The following BBOF1 variants were observed in gnomAD, a reference collection of about 807,000 sequenced individuals.
BBOF1 encodes the protein basal body orientation factor 1, also known as basal body-orientation factor 1.
Under a neutral mutation model 68.0 loss-of-function variants are expected in BBOF1, and 62 were observed. The observed-to-expected ratio is 0.91, with a 90% CI of 0.74 to 1.13. The LOEUF (loss-of-function observed/expected upper bound fraction) is 1.13. Ranked by LOEUF, BBOF1 falls within the 50% of genes most tolerant of loss-of-function variation. The pLI, the probability that BBOF1 is intolerant of heterozygous loss-of-function variation, is 0.00. For synonymous variants in BBOF1, 208 were observed against 198.8 expected (o/e 1.05, Z -0.39); for missense variants, 534 against 600.1 (o/e 0.89, Z 1.15).
At chr14:74,039,799 T>C (rs2059792739) in intron 4 of BBOF1, among the ~76,000 whole-genome samples, 1 of 152,134 alleles carries the variant, frequency 6.6e-6, no homozygotes, top group Non-Finnish European at 1.5e-5. Flanking sequence ...ACATGAACTT[T>C]TAAAGGTTTG....
chr14:74,046,524 C>G (rs1183855635), intron 6 of BBOF1, among the ~76,000 whole-genome samples: 2 of 152,072 alleles, frequency 1.3e-5, no homozygotes, highest in Non-Finnish European at 2.9e-5. Flanking sequence ...AGGCACCCAC[C>G]ACCACACCTG....
At chr14:74,021,931 C>G (rs981789467) in intron 1 of BBOF1, among the ~76,000 whole-genome samples, 2 of 151,220 alleles carry the variant, frequency 1.3e-5, no homozygotes, top group Admixed American at 6.6e-5. Context: ...AAAAAACACA[C>G]TCAAAAGTGG....
downstream of BBOF1, chr14:74,067,439 T>C (rs1566830411): frequency 4.3e-6 from 7 of 1,614,108 alleles, no homozygotes; most frequent in Middle Eastern, 5.0e-4. Context: ...CTTCTTGGCT[T>C]CTCCCACAAG....
Position 74,019,382 on chromosome 14 carries a change from C to A in BBOF1, c.-97C>A. ...CGCGCCGTCAGCGGCGCGGGTGGGG[C>A]ATTGCCAGCTCGGCGTCCCGGTTCC... is the stretch of plus-strand genomic sequence containing the variant. On this transcript the variant is annotated 5_prime_UTR_variant, in exon 1 of 12. Coordinates refer to ENST00000394009, the MANE Select transcript of BBOF1 (RefSeq NM_025057.3). 6.8e-7 allele frequency: 1 copy of A among 1,473,428 alleles called. No homozygotes were observed. Among genetic ancestry groups the A allele is most frequent in the Non-Finnish European group, 9.0e-7 (1 of 1,105,520 alleles). 91.3% of individuals were successfully genotyped at this position (1,473,428 alleles called of 1,614,324 possible).
chr14:74,082,393 G>GTTTT (rs869211328), intron 12 of BBOF1, among the ~76,000 whole-genome samples: 16 of 77,604 alleles, frequency 2.1e-4, no homozygotes, highest in Non-Finnish European at 2.4e-4. Flanking sequence ...CAAAATCGAG[G>GTTTT]TTTTTTTTTT....
downstream of BBOF1, among the ~76,000 whole-genome samples, chr14:74,068,478 C>T (rs921112888): frequency 1.3e-5 from 2 of 151,204 alleles, no homozygotes. Flanking sequence ...GTAAGGCTTA[C>T]GCCTGTAATC....
At chr14:74,026,307 T>TG (rs1472258419) in intron 2 of BBOF1, among the ~76,000 whole-genome samples, 5 of 151,380 alleles carry the variant, frequency 3.3e-5, no homozygotes, top group African/African-American at 9.7e-5. Context: ...CCAGGTGTGG[T>TG]GGTGGGCACC....
chr14:74,037,955 CAAA>C (rs76801094), intron 4 of BBOF1, among the ~76,000 whole-genome samples: 1 of 115,820 alleles, frequency 8.6e-6, no homozygotes, highest in African/African-American at 3.2e-5. Flanking sequence ...AACTCTGTTT[CAAA>C]AAAAAAAAAA....
downstream of BBOF1, among the ~76,000 whole-genome samples, chr14:74,068,365 TA>T (rs2060501691): frequency 6.9e-6 from 1 of 144,454 alleles, no homozygotes; most frequent in African/African-American, 2.6e-5. Context: ...GGTGACAGAG[TA>T]AGACTCTGTC....
downstream of BBOF1, chr14:74,066,600 A>G (rs1595117769): frequency 6.1e-6 from 7 of 1,151,122 alleles, no homozygotes; most frequent in Admixed American, 1.3e-4. Flanking sequence ...GGCAAGAGAT[A>G]AGGTCTTAGT....
chr14:74,023,073 T>A lies in BBOF1; in HGVS notation c.214T>A (p.Cys72Ser). ...KSNEDLKKKQ[C>S]KMEKDIMSVL... ...TAATGAGGACTTAAAGAAAAAGCAA[T>A]GTAAAATGGAGAAAGACATAATGTC... Residue 72 changes from cysteine (C) to serine (S), a missense_variant, in exon 2 of 12, where the codon TGT becomes AGT. Transcript: ENST00000394009. 1.9e-6 allele frequency: 3 copies of A among 1,605,728 alleles called. No homozygotes were observed. The highest frequency in any genetic ancestry group is 2.6e-6 in the Non-Finnish European group (3 of 1,176,004).
At chr14:74,028,303 A>G (rs1042564551) in intron 2 of BBOF1, among the ~76,000 whole-genome samples, 3 of 152,136 alleles carry the variant, frequency 2.0e-5, no homozygotes, top group Non-Finnish European at 4.4e-5. Flanking sequence ...CAGGAGGCAT[A>G]GGTTGCTGTG....
chr14:74,069,611 A>G (rs576013060), downstream of BBOF1, among the ~76,000 whole-genome samples: 27 of 151,496 alleles, frequency 1.8e-4, no homozygotes, highest in Admixed American at 2.0e-4. Context: ...AAATTAGCCA[A>G]ATGTGGTGGT....
intron 8 of BBOF1, among the ~76,000 whole-genome samples, chr14:74,052,644 C>CA (rs112439607): frequency 0.046 from 6,166 of 132,880 alleles, 448 homozygotes; most frequent in African/African-American, 0.15. Flanking sequence ...GACTCCATCT[C>CA]AAAAAAAAAA....
At chr14:74,028,037 A>G (rs1336058023) in intron 2 of BBOF1, among the ~76,000 whole-genome samples, 1 of 152,186 alleles carries the variant, frequency 6.6e-6, no homozygotes, top group Non-Finnish European at 1.5e-5. Flanking sequence ...ATAATTTTAT[A>G]GTGCTTGTAA....
At chr14:74,060,069 A>C (rs1452176135) in intron 11 of BBOF1, 1 of 157,658 alleles carries the variant, frequency 6.3e-6, no homozygotes, top group East Asian at 1.8e-4. Flanking sequence ...AGGATCAACC[A>C]AAAGCGGTGA....
chr14:74,028,467 TAC>T (rs34677110), intron 2 of BBOF1, among the ~76,000 whole-genome samples: 28,496 of 137,916 alleles, frequency 0.21, 2,861 homozygotes, highest in East Asian at 0.44. Context: ...ACTAAAGAAA[TAC>T]ACACACACAC....
chr14:74,031,119 C>CTTTTTTTT (rs71860688), intron 3 of BBOF1, among the ~76,000 whole-genome samples: 2 of 143,492 alleles, frequency 1.4e-5, no homozygotes, highest in South Asian at 2.2e-4. Context: ...CTTTTCTTTT[C>CTTTTTTTT]TTTTTTTTTT....
intron 8 of BBOF1, among the ~76,000 whole-genome samples, chr14:74,053,731 T>A (rs1272652257): frequency 6.6e-6 from 1 of 151,420 alleles, no homozygotes; most frequent in African/African-American, 2.4e-5. Flanking sequence ...TTTTTTTTTT[T>A]GAGAGAGTCT....
Sources: gnomAD v4.1 joint callset for allele counts (sites outside exome capture counted in the v4.1 genomes callset) on GRCh38, gnomAD v4.1.1 for gene constraint, MANE v1.5 for transcripts, NCBI Gene and HGNC (gene_info 2026-07-23, HGNC 2026-07-21) for gene names.